ACAN: variants seen among roughly 807,000 people sequenced by gnomAD.
The protein encoded by ACAN is aggrecan core protein.
A neutral mutation model predicts 169.1 loss-of-function variants in ACAN; 47 were observed. The observed-to-expected ratio is 0.28, with a 90% CI of 0.22 to 0.35. The LOEUF (loss-of-function observed/expected upper bound fraction) is 0.35, where lower values mean the gene tolerates loss of function less well. Ranked by LOEUF, ACAN falls within the 10% of genes least tolerant of loss-of-function variation. ACAN has a pLI of 1.00. For missense variants in ACAN, 2,716 were observed against 2,759.9 expected (o/e 0.98, Z 0.36); for synonymous variants, 1,115 against 1,112.2 (o/e 1.00, Z -0.05).
chr15:88,854,975 A>G lies in ACAN; in HGVS notation c.2390A>G (p.Glu797Gly), dbSNP rs78770909. ...PSPSEVPFPS[E>G]EPSPSEEPFP... ...CCCTCAGAGGTGCCATTCCCCTCAG[A>G]GGAGCCATCCCCCTCAGAGGAACCA... is the stretch of plus-strand genomic sequence containing the variant. Residue 797 changes from glutamate (E) to glycine (G), a missense_variant, in exon 12 of 19, where the codon GAG (glutamate) becomes GGG (glycine). This residue lies in a region of ACAN where 1,283 missense variants were observed against 1,281.5 expected (regional missense o/e 1.00). Coordinates refer to ENST00000560601, the MANE Select transcript of ACAN (RefSeq NM_001369268.1). 2,350 of 1,600,166 alleles carry G rather than the reference A, an allele frequency of 1.5e-3. 39 individuals are homozygous for G. In the African/African-American group the frequency reaches 0.029, roughly 20 times the overall value.
In ACAN at chr15:88,869,896, C is replaced by T. The variant is rs1249579903; in HGVS notation, c.7061-1486C>T. Reference sequence around the variant, plus strand: ...GAATCTTCAGCCTGCACAGCCCTGCCCTCCCATACCCACCTCCCAGAGAAG... The same window carrying T: ...GAATCTTCAGCCTGCACAGCCCTGCTCTCCCATACCCACCTCCCAGAGAAG... On this transcript the variant is annotated intron_variant, in intron 14 of 18. Coordinates refer to ENST00000560601, the MANE Select transcript of ACAN (RefSeq NM_001369268.1). This position sits in a 1 kb window ranked among gnomAD's most constrained non-coding sequence, Gnocchi z 4.2. Among the ~76,000 whole-genome samples, 4 of 152,086 alleles carry T rather than the reference C, an allele frequency of 2.6e-5. No homozygotes were observed. In the South Asian group the frequency reaches 6.2e-4, roughly 24 times the overall value.
chr15:88,860,472 C>G (rs377281951), intron 13 of ACAN, 33 bp downstream of exon 13: 6 of 1,581,774 alleles, frequency 3.8e-6, no homozygotes. Context: ...AGAGTGAGGG[C>G]GGAGGCGCTG....
In ACAN at chr15:88,851,501, T is replaced by C. The variant is rs1596141523; in HGVS notation, c.2027-293T>C. On this transcript the variant is annotated intron_variant, in intron 10 of 18. Transcript: ENST00000560601. This position sits in a 1 kb window ranked among gnomAD's most constrained non-coding sequence, Gnocchi z 4.3. ...TCATATCTCTCTCATAAAGCTGTTG[T>C]GAGATAAAGTGATTTTAGATACACA... is the stretch of plus-strand genomic sequence containing the variant. 1.3e-5 allele frequency: 4 copies of C among 314,168 alleles called. No homozygotes were observed. Among genetic ancestry groups the C allele is most frequent in the East Asian group, 1.1e-4 (2 of 17,646 alleles). 19.5% of individuals were successfully genotyped at this position (314,168 alleles called of 1,614,324 possible). A position where few individuals can be genotyped will look rare whatever the true frequency, so the allele number is the denominator to read the frequency against.
intron 1 of ACAN, among the ~76,000 whole-genome samples, chr15:88,828,219 G>A (rs1401507337): frequency 6.6e-6 from 1 of 152,080 alleles, no homozygotes; most frequent in Non-Finnish European, 1.5e-5. Context: ...GTTTTTTGAA[G>A]GAATGGAACT....
intron 1 of ACAN, among the ~76,000 whole-genome samples, chr15:88,821,698 GA>G (rs1232807808): frequency 6.6e-6 from 1 of 152,250 alleles, no homozygotes; most frequent in East Asian, 1.9e-4. Flanking sequence ...GTCACTGAAG[GA>G]TGCCCATGGG....
Position 88,839,898 on chromosome 15 carries a change from C to A in ACAN, c.455-114C>A, listed in dbSNP as rs992601847. 4.1e-5 allele frequency: 53 copies of A among 1,307,536 alleles called. No homozygotes were observed. Among genetic ancestry groups the A allele is most frequent in the Non-Finnish European group, 4.5e-5 (43 of 948,094 alleles). The allele number at this position is 1,307,536 out of a possible 1,614,324, so 81.0% of individuals were successfully genotyped here. ...ACAGGGAGTCATGCATCAGCCCAGA[C>A]CAGCCAGTTCCCTAAGGTCCCTTTG... On this transcript the variant is annotated intron_variant, in intron 3 of 18. Transcript: ENST00000560601. This position sits in a 1 kb window ranked among gnomAD's most constrained non-coding sequence, Gnocchi z 4.5.
intron 8 of ACAN, among the ~76,000 whole-genome samples, 190 bp from the exon 9 acceptor site, chr15:88,847,721 G>C (rs1369912508): frequency 6.6e-6 from 1 of 152,076 alleles, no homozygotes; most frequent in African/African-American, 2.4e-5. Flanking sequence ...AATCCCCCAG[G>C]AGCCACCAGA....
chr15:88,850,306 C>G (rs1294977951), intron 10 of ACAN: 1 of 168,782 alleles, frequency 5.9e-6, no homozygotes, highest in African/African-American at 2.4e-5. Context: ...ACTGGTGGTT[C>G]AAGTTTTTCG....
chr15:88,809,221 T>C (rs1457617868), intron 1 of ACAN, among the ~76,000 whole-genome samples: 1 of 152,178 alleles, frequency 6.6e-6, no homozygotes, highest in African/African-American at 2.4e-5. Context: ...GGGGCAGGGT[T>C]GCCATAGTAT....
intron 1 of ACAN, among the ~76,000 whole-genome samples, chr15:88,825,490 T>G (rs11858871): frequency 0.11 from 17,452 of 152,136 alleles, 1,483 homozygotes; most frequent in African/African-American, 0.23. Flanking sequence ...GTCAAAGGTA[T>G]GAATTCAGGT....
chr15:88,829,037 C>T (rs1302911538), intron 1 of ACAN, among the ~76,000 whole-genome samples: 2 of 152,196 alleles, frequency 1.3e-5, no homozygotes, highest in Non-Finnish European at 2.9e-5. Context: ...TTATCTCCAG[C>T]ACTCCCCACC....
rs776758695 is a variant in ACAN, at chr15:88,845,582, T to C, written c.1129T>C (p.Trp377Arg). ...GGACATCACCGTCCAGACAGTGACC[T>C]GGCCTGACATGGAGCTGCCACTGCC... ...EEDITVQTVTWPDMELPLPRN... is the reference protein window; with the variant it reads ...EEDITVQTVTRPDMELPLPRN... The change falls in exon 7 of 19, where the codon TGG (tryptophan) becomes CGG (arginine). Residue 377 changes from tryptophan to arginine, a missense_variant. By Grantham distance (101) the Trp-to-Arg change is moderately radical. Around this residue, in one of 3 missense-constraint regions of ACAN, gnomAD observed 1,283 missense variants for 1,281.5 expected, o/e 1.00. Transcript: ENST00000560601. 3.1e-6 allele frequency: 5 copies of C among 1,613,898 alleles called. No homozygotes were observed. The highest frequency in any genetic ancestry group is 4.2e-6 in the Non-Finnish European group (5 of 1,179,910).
chr15:88,853,874 T>C lies in ACAN; in HGVS notation c.2267-978T>C, dbSNP rs914041770. On this transcript the variant is annotated intron_variant, in intron 11 of 18. Coordinates refer to ENST00000560601, the MANE Select transcript of ACAN (RefSeq NM_001369268.1). ...TTTTTTTTTTTCATGGCACCACTGC[T>C]ATGCTTCATGCCCCACCTCCCCCTC... Among the ~76,000 whole-genome samples the C allele has an allele frequency of 2.0e-4, 30 of 150,548 alleles. 1 individual carries two copies. The highest frequency in any genetic ancestry group is 6.6e-4 in the African/African-American group (27 of 40,730).
At chr15:88,815,030 G>GAA (rs11300352) in intron 1 of ACAN, among the ~76,000 whole-genome samples, 11 of 120,244 alleles carry the variant, frequency 9.1e-5, no homozygotes, top group Non-Finnish European at 9.1e-5. Flanking sequence ...GTGGACCCCA[G>GAA]AAAAAAAAAA....
rs1285887151 is a variant in ACAN, at chr15:88,839,022, G to T, written c.430G>T (p.Ala144Ser). The T allele has an allele frequency of 6.2e-7, 1 of 1,605,898 alleles. No individual in the cohort carries two copies. Among genetic ancestry groups the T allele is most frequent in the Middle Eastern group, 1.6e-4 (1 of 6,062 alleles). ...EVMHGIEDSE[A>S]TLEVVVKGIV... is the part of the protein sequence containing the mutation. The stretch of plus-strand genomic sequence containing the variant: ...GATGCATGGCATCGAGGACAGCGAG[G>T]CCACCCTGGAAGTCGTGGTGAAAGG... Residue 144 changes from alanine (A) to serine (S), a missense_variant, in exon 3 of 19, where the codon GCC becomes TCC. Transcript: ENST00000560601. The surrounding 1 kb of genome is among the most constrained non-coding windows in gnomAD (Gnocchi z 4.5).
Position 88,851,828 on chromosome 15 carries a change from G to A in ACAN, c.2061G>A (p.Glu687=), listed in dbSNP as rs763114699. 18 of 1,607,854 alleles carry A rather than the reference G, an allele frequency of 1.1e-5. No individual in the cohort carries two copies. The highest frequency in any genetic ancestry group is 1.4e-5 in the Non-Finnish European group (17 of 1,177,242). ...ISAVPSPGEE[E]GGTPTSPSGV... Reference sequence around the variant, plus strand: ...CGGTTCCTTCTCCAGGAGAAGAAGAGGGTGGCACACCCACATCACCCTCTG... The same window carrying A: ...CGGTTCCTTCTCCAGGAGAAGAAGAAGGTGGCACACCCACATCACCCTCTG... The change falls in exon 11 of 19, where the codon GAG becomes GAA. Residue 687 remains glutamate (E), a synonymous_variant. Coordinates refer to ENST00000560601, the MANE Select transcript of ACAN (RefSeq NM_001369268.1). This position sits in a 1 kb window ranked among gnomAD's most constrained non-coding sequence, Gnocchi z 4.3.
chr15:88,860,008 T>G (rs1897159037), intron 12 of ACAN, among the ~76,000 whole-genome samples: 1 of 151,668 alleles, frequency 6.6e-6, no homozygotes, highest in African/African-American at 2.4e-5. Context: ...ACTATCATGA[T>G]TGTCTCACCG....
At chr15:88,859,639 T>C (rs1462163884) in intron 12 of ACAN, among the ~76,000 whole-genome samples, 6 of 152,150 alleles carry the variant, frequency 3.9e-5, no homozygotes, top group Non-Finnish European at 8.8e-5. Flanking sequence ...TAAACATAGA[T>C]AGATAAAGCA....
chr15:88,857,974 G>A lies in ACAN; in HGVS notation c.5389G>A (p.Gly1797Arg). The change falls in exon 12 of 19, where the codon GGG becomes AGG. Residue 1797 changes from glycine to arginine, a missense_variant. By Grantham distance (125) the Gly-to-Arg change is moderately radical (BLOSUM62 -2). This residue lies in a region of ACAN where 1,389 missense variants were observed against 1,363.7 expected (regional missense o/e 1.02). Transcript: ENST00000560601. ...GETSGVPDLS[G>R]QPSGLPGFSG... The stretch of plus-strand genomic sequence containing the variant: ...AACATCTGGGGTCCCTGATCTCAGT[G>A]GGCAGCCTTCAGGGTTACCAGGGTT... 6.2e-6 allele frequency: 10 copies of A among 1,613,932 alleles called. No homozygotes were observed. Among genetic ancestry groups the A allele is most frequent in the Non-Finnish European group, 8.5e-6 (10 of 1,179,894 alleles).
Sources: gnomAD v4.1 joint callset for allele counts (sites outside exome capture counted in the v4.1 genomes callset) on GRCh38, gnomAD v4.1.1 for gene constraint, gnomAD v4.1.1 regional missense constraint, Gnocchi (gnomAD v3.1) non-coding constraint, MANE v1.5 for transcripts, NCBI Gene and HGNC (gene_info 2026-07-23, HGNC 2026-07-21) for gene names.